The following UGT1A10 variants were observed in gnomAD, a reference collection of about 807,000 sequenced individuals.
The protein encoded by UGT1A10 is UDP glucuronosyltransferase family 1 member A10, also known as UDP-glucuronosyltransferase 1A10.
Under a neutral mutation model 45.8 loss-of-function variants are expected in UGT1A10, and 49 were observed. The ratio of observed to expected loss-of-function variants is 1.07; its 90% confidence interval spans 0.85 to 1.36. The LOEUF is 1.36. Among genes scored for constraint, UGT1A10 ranks in the 40% most tolerant of loss-of-function variants. The pLI is 0.00. For synonymous variants in UGT1A10, 284 were observed against 249.7 expected (o/e 1.14, Z -1.29); for missense variants, 745 against 668.6 (o/e 1.11, Z -1.26).
Position 233,693,577 on chromosome 2 carries a change from C to T in UGT1A10, c.855+56200C>T, listed in dbSNP as rs1031278629. On this transcript the variant is annotated intron_variant, in intron 1 of 4. Coordinates refer to ENST00000344644, the MANE Select transcript of UGT1A10 (RefSeq NM_019075.4). ...GCAGAAGCCCAGACCCTGTGTCCTACATTCCCAGGTGCTACACAAAGTTTT... is the reference window on the plus strand; with the variant it reads ...GCAGAAGCCCAGACCCTGTGTCCTATATTCCCAGGTGCTACACAAAGTTTT... 4 of 1,614,118 alleles carry T rather than the reference C, an allele frequency of 2.5e-6. No homozygotes were observed. In the African/African-American group the frequency reaches 5.3e-5, roughly 22 times the overall value.
chr2:233,730,574 G>A (rs1277853896), intron 1 of UGT1A10, among the ~76,000 whole-genome samples: 1 of 152,170 alleles, frequency 6.6e-6, no homozygotes, highest in African/African-American at 2.4e-5. Context: ...ACGAAGTTCA[G>A]TTTCCAGACA....
chr2:233,742,737 C>A (rs1559386227), intron 1 of UGT1A10: 1 of 152,816 alleles, frequency 6.5e-6, no homozygotes, highest in Non-Finnish European at 1.5e-5. Flanking sequence ...ATTCAAATGT[C>A]TGACCTCCAA....
intron 1 of UGT1A10, among the ~76,000 whole-genome samples, chr2:233,745,372 T>A (rs1423074391): frequency 1.3e-5 from 2 of 151,860 alleles, no homozygotes; most frequent in Non-Finnish European, 2.9e-5. Flanking sequence ...AGATCTGAGT[T>A]CTCTTCACCT....
rs2076670148 is a variant in UGT1A10, at chr2:233,718,644, C to T, written c.856-48390C>T. ...GATTGGTCTTTCCCAGGGTTGGGCC[C>T]ATAACGAAAGGCAGTTATAGATTAA... On this transcript the variant is annotated intron_variant, in intron 1 of 4. Transcript: ENST00000344644. The T allele has an allele frequency of 2.6e-5, 39 of 1,488,962 alleles. No individual in the cohort carries two copies. The South Asian group carries it at 4.9e-4, about 19-fold the overall frequency. 92.2% of individuals were successfully genotyped at this position (1,488,962 alleles called of 1,614,324 possible). A position where few individuals can be genotyped will look rare whatever the true frequency, so the allele number is the denominator to read the frequency against.
intron 1 of UGT1A10, among the ~76,000 whole-genome samples, chr2:233,722,756 G>T (rs2077034440): frequency 6.6e-6 from 1 of 151,434 alleles, no homozygotes; most frequent in African/African-American, 2.4e-5. Context: ...TGTCTATAAG[G>T]CTGTTACCTA....
intron 1 of UGT1A10, among the ~76,000 whole-genome samples, chr2:233,717,379 C>T (rs2076569575): frequency 6.6e-6 from 1 of 152,218 alleles, no homozygotes; most frequent in Non-Finnish European, 1.5e-5. Flanking sequence ...CCTTACAGAC[C>T]TGCCCTCTCT....
chr2:233,668,422 A>AT (rs2074120611), intron 1 of UGT1A10, among the ~76,000 whole-genome samples: 1 of 152,196 alleles, frequency 6.6e-6, no homozygotes, highest in Non-Finnish European at 1.5e-5. Context: ...TCCATGGTGT[A>AT]TATGTGCCAC....
In UGT1A10 at chr2:233,709,929, AC is replaced by A. The variant is rs753284921; in HGVS notation, c.856-57102del. 8.4e-4 allele frequency among the ~76,000 whole-genome samples: 128 copies of A among 152,252 alleles called. 1 individual carries two copies. Among genetic ancestry groups the A allele is most frequent in the Non-Finnish European group, 3.8e-4 (26 of 68,008 alleles). ...CTAATACCTCCCCTCACCTTAGGCA[AC>A]CCTGGATGGTTTCTGTTGCTGGATA... On this transcript the variant is annotated intron_variant, in intron 1 of 4. Coordinates refer to ENST00000344644, the MANE Select transcript of UGT1A10 (RefSeq NM_019075.4).
intron 1 of UGT1A10, among the ~76,000 whole-genome samples, chr2:233,666,648 T>A (rs1279202630): frequency 1.3e-5 from 2 of 152,164 alleles, no homozygotes; most frequent in African/African-American, 4.8e-5. Context: ...ATTTTTTTAT[T>A]TTTATTTTTT....
intron 1 of UGT1A10, among the ~76,000 whole-genome samples, chr2:233,709,931 C>G (rs1011660132): frequency 3.3e-5 from 5 of 151,878 alleles, no homozygotes; most frequent in African/African-American, 1.2e-4. Flanking sequence ...CTTAGGCAAC[C>G]CTGGATGGTT....
At chr2:233,746,036 T>C (rs1289078597) in intron 1 of UGT1A10, among the ~76,000 whole-genome samples, 1 of 151,694 alleles carries the variant, frequency 6.6e-6, no homozygotes, top group South Asian at 2.1e-4. Context: ...ACTTACTTGC[T>C]GGCTTGGATG....
chr2:233,758,878 C>A (rs1575761639), intron 1 of UGT1A10, among the ~76,000 whole-genome samples: 1 of 152,186 alleles, frequency 6.6e-6, no homozygotes, highest in East Asian at 1.9e-4. Context: ...CCCCATAGTC[C>A]ATGGTCAATA....
chr2:233,725,031 A>T (rs1445155705), intron 1 of UGT1A10, among the ~76,000 whole-genome samples: 4 of 148,206 alleles, frequency 2.7e-5, no homozygotes, highest in Admixed American at 1.3e-4. Context: ...CCCGGTCTCC[A>T]CCAAAACCAG....
Position 233,648,891 on chromosome 2 carries a change from G to A in UGT1A10, c.855+11514G>A, listed in dbSNP as rs187998939. 6,845 of 1,309,004 alleles carry A rather than the reference G, an allele frequency of 5.2e-3. 96 individuals are homozygous for A. The highest frequency in any genetic ancestry group is 6.8e-3 in the Non-Finnish European group (6,299 of 922,844). 81.1% of individuals were successfully genotyped at this position (1,309,004 alleles called of 1,614,324 possible). A position where few individuals can be genotyped will look rare whatever the true frequency, so the allele number is the denominator to read the frequency against. ...CTGAAATTCTCCAAACACCTGTCATGGCATATGATCTCTACAGCCACACAT... is the reference window on the plus strand; with the variant it reads ...CTGAAATTCTCCAAACACCTGTCATAGCATATGATCTCTACAGCCACACAT... On this transcript the variant is annotated intron_variant, in intron 1 of 4. Coordinates refer to ENST00000344644, the MANE Select transcript of UGT1A10 (RefSeq NM_019075.4).
At position 233,769,609 on chromosome 2, in the gene UGT1A10, C is replaced by A. The variant is rs776582226; in HGVS notation, c.1295+1170C>A. On this transcript the variant is annotated intron_variant, in intron 4 of 4. Coordinates refer to ENST00000344644, the MANE Select transcript of UGT1A10 (RefSeq NM_019075.4). The surrounding 1 kb of genome is among the most constrained non-coding windows in gnomAD (Gnocchi z 4.4). Reference sequence around the variant, plus strand: ...AGAGGAGACGGAACACGGGGACACACCAGCTTGAGCAAGGGACAACAGGGG... The same window carrying A: ...AGAGGAGACGGAACACGGGGACACAACAGCTTGAGCAAGGGACAACAGGGG... The A allele has an allele frequency of 4.3e-6, 7 of 1,612,634 alleles. No individual in the cohort carries two copies. The highest frequency in any genetic ancestry group is 1.7e-4 in the Middle Eastern group (1 of 6,054).
chr2:233,768,337 C>A lies in UGT1A10; in HGVS notation c.1193C>A (p.Ala398Glu). 1 of 1,614,128 alleles carries A rather than the reference C, an allele frequency of 6.2e-7. No individual in the cohort carries two copies. Among genetic ancestry groups the A allele is most frequent in the African/African-American group, 1.3e-5 (1 of 75,022 alleles). ...TTGTTTGGTGATCAGATGGACAATG[C>A]AAAGCGCATGGAGACTAAGGGAGCT... The part of the protein sequence containing the change: ...MPLFGDQMDN[A>E]KRMETKGAGV... The change falls in exon 4 of 5, where the codon GCA becomes GAA. Residue 398 changes from alanine to glutamate, a missense_variant. Coordinates refer to ENST00000344644, the MANE Select transcript of UGT1A10 (RefSeq NM_019075.4).
intron 1 of UGT1A10, among the ~76,000 whole-genome samples, chr2:233,725,285 GGCAGAGGCAGAGGCA>G: frequency 1.1e-5 from 1 of 89,706 alleles, no homozygotes; most frequent in East Asian, 3.3e-4. Flanking sequence ...CAGAGGCAGA[GGCAGAGGCAGAGGCA>G]GAGGCAGAGG....
chr2:233,726,607 G>C (rs2077545440), intron 1 of UGT1A10, among the ~76,000 whole-genome samples: 1 of 152,126 alleles, frequency 6.6e-6, no homozygotes, highest in Non-Finnish European at 1.5e-5. Context: ...TGATTACACT[G>C]TCCTGCCCAG....
At chr2:233,744,055 C>T (rs115067532) in intron 1 of UGT1A10, 5 of 645,238 alleles carry the variant, frequency 7.7e-6, no homozygotes, top group Admixed American at 3.6e-5. Flanking sequence ...TCTCATTGGT[C>T]GAGGCCTATG....
Sources: gnomAD v4.1 joint callset for allele counts (sites outside exome capture counted in the v4.1 genomes callset) on GRCh38, gnomAD v4.1.1 for gene constraint, Gnocchi (gnomAD v3.1) non-coding constraint, MANE v1.5 for transcripts, NCBI Gene and HGNC (gene_info 2026-07-23, HGNC 2026-07-21) for gene names.